SND1: variants seen among roughly 807,000 people sequenced by gnomAD.
SND1 encodes staphylococcal nuclease and tudor domain containing 1, also known as staphylococcal nuclease domain-containing protein 1.
A neutral mutation model predicts 121.7 loss-of-function variants in SND1; 38 were observed. The ratio of observed to expected loss-of-function variants is 0.31; its 90% confidence interval spans 0.24 to 0.41. SND1 has a LOEUF of 0.41. Among genes scored for constraint, SND1 ranks in the 10% least tolerant of loss-of-function variants. SND1 has a pLI of 1.00. For synonymous variants in SND1, 401 were observed against 447.4 expected (o/e 0.90, Z 1.31); for missense variants, 868 against 1,184.6 (o/e 0.73, Z 3.92).
chr7:127,957,854 C>A (rs1349375230), intron 15 of SND1, among the ~76,000 whole-genome samples: 3 of 152,166 alleles, frequency 2.0e-5, no homozygotes, highest in Non-Finnish European at 4.4e-5. Context: ...GCGCGAGCCA[C>A]CACACCCAGC....
At position 127,807,506 on chromosome 7, in the gene SND1, C is replaced by T. The variant is rs1282083711; in HGVS notation, c.1175C>T (p.Pro392Leu). 1 of 1,613,678 alleles carries T rather than the reference C, an allele frequency of 6.2e-7. No individual in the cohort carries two copies. Among genetic ancestry groups the T allele is most frequent in the African/African-American group, 1.3e-5 (1 of 74,886 alleles). ...NTQDKNKKLR[P>L]LYDIPYMFEA... is the part of the protein sequence containing the mutation. ...TAGGATAAGAACAAGAAACTGCGTC[C>T]CCTGTATGACATTCCTTACATGTTT... is the stretch of plus-strand genomic sequence containing the variant. The change falls in exon 11 of 24, where the codon CCC becomes CTC. Residue 392 changes from proline (P) to leucine (L), a missense_variant. Pro to Leu is a moderately conservative substitution (Grantham distance 98, BLOSUM62 -3). Coordinates refer to ENST00000354725, the MANE Select transcript of SND1 (RefSeq NM_014390.4).
chr7:127,945,741 G>C (rs550887269), intron 15 of SND1, among the ~76,000 whole-genome samples: 1 of 152,104 alleles, frequency 6.6e-6, no homozygotes, highest in African/African-American at 2.4e-5. Flanking sequence ...TTCATTCCAC[G>C]TCTGAGTTTC....
chr7:127,726,914 ATC>A (rs1322799073), intron 10 of SND1, among the ~76,000 whole-genome samples: 2 of 151,938 alleles, frequency 1.3e-5, no homozygotes, highest in African/African-American at 2.4e-5. Flanking sequence ...CTGTCTTTGT[ATC>A]TGTTTCTCTG....
intron 16 of SND1, chr7:128,028,171 T>C (rs1803533223): frequency 6.5e-6 from 1 of 153,068 alleles, no homozygotes; most frequent in South Asian, 2.1e-4. Flanking sequence ...CAGTACAAAT[T>C]CATGGTGCTT....
At chr7:128,009,403 G>A (rs1262242267) in intron 16 of SND1, among the ~76,000 whole-genome samples, 3 of 152,140 alleles carry the variant, frequency 2.0e-5, no homozygotes, top group Non-Finnish European at 2.9e-5. Flanking sequence ...ATCCTCAAAG[G>A]GGTTTCGGAA....
intron 14 of SND1, among the ~76,000 whole-genome samples, chr7:127,924,986 G>A (rs1268743420): frequency 6.6e-6 from 1 of 152,118 alleles, no homozygotes; most frequent in Admixed American, 6.6e-5. Context: ...CCATTCTGGA[G>A]GGTCATTCAG....
Position 128,092,115 on chromosome 7 carries a change from G to C in SND1, c.*57G>C. The stretch of plus-strand genomic sequence containing the variant: ...TCACGCCAGTCCCTCTTCCTCTGCC[G>C]GGAGGGTGTTTTCAACTCCAAACCC... On this transcript the variant is annotated 3_prime_UTR_variant, in exon 24 of 24. Coordinates refer to ENST00000354725, the MANE Select transcript of SND1 (RefSeq NM_014390.4). This position sits in a 1 kb window ranked among gnomAD's most constrained non-coding sequence, Gnocchi z 4.9. 6.4e-7 allele frequency: 1 copy of C among 1,566,692 alleles called. No individual in the cohort carries two copies. Among genetic ancestry groups the C allele is most frequent in the Non-Finnish European group, 8.8e-7 (1 of 1,138,346 alleles).
At chr7:127,674,085 C>A (rs539311898) in intron 1 of SND1, among the ~76,000 whole-genome samples, 1 of 151,372 alleles carries the variant, frequency 6.6e-6, no homozygotes, top group South Asian at 2.1e-4. Context: ...TGTCTTCCTG[C>A]CTTCCTCTCT....
intron 16 of SND1, among the ~76,000 whole-genome samples, chr7:128,042,714 C>A (rs892686101): frequency 1.3e-5 from 2 of 152,192 alleles, no homozygotes; most frequent in African/African-American, 2.4e-5. Flanking sequence ...GAATTCTGCT[C>A]CTGAACATCT....
intron 10 of SND1, among the ~76,000 whole-genome samples, chr7:127,796,919 GTCTC>G: frequency 9.0e-6 from 1 of 111,700 alleles, no homozygotes; most frequent in East Asian, 3.2e-4. Context: ...TTGCTATTGA[GTCTC>G]TCTCTGTCAC....
intron 10 of SND1, among the ~76,000 whole-genome samples, chr7:127,744,649 C>T (rs1262357743): frequency 6.6e-6 from 1 of 152,200 alleles, no homozygotes; most frequent in Admixed American, 6.5e-5. Context: ...CATATTTTCC[C>T]TTTTTTGTGT....
At chr7:128,042,472 G>C (rs1032538089) in intron 16 of SND1, 2 of 152,304 alleles carry the variant, frequency 1.3e-5, no homozygotes, top group African/African-American at 2.4e-5. Flanking sequence ...ACAGTAAGTG[G>C]AAAAGGGGGG....
intron 9 of SND1, among the ~76,000 whole-genome samples, chr7:127,714,102 A>T (rs927589501): frequency 2.0e-5 from 3 of 152,012 alleles, no homozygotes; most frequent in African/African-American, 7.2e-5. Flanking sequence ...GGAGGGATGG[A>T]GTGGAATCAT....
intron 12 of SND1, among the ~76,000 whole-genome samples, chr7:127,856,227 G>A (rs1584620945): frequency 6.6e-6 from 1 of 152,158 alleles, no homozygotes; most frequent in African/African-American, 2.4e-5. Context: ...AATAAAAACA[G>A]TATATTGGAT....
intron 10 of SND1, among the ~76,000 whole-genome samples, chr7:127,726,371 C>T (rs907357379): frequency 4.6e-5 from 7 of 152,198 alleles, no homozygotes; most frequent in Non-Finnish European, 1.0e-4. Context: ...AGTGTCAACC[C>T]GTAGGAGACG....
intron 10 of SND1, among the ~76,000 whole-genome samples, chr7:127,768,569 A>G (rs1797459632): frequency 6.6e-6 from 1 of 152,198 alleles, no homozygotes. Flanking sequence ...TTTAGAGACG[A>G]TGAGTCTTTG....
chr7:127,837,888 G>A (rs904093418), intron 11 of SND1, among the ~76,000 whole-genome samples: 3 of 152,140 alleles, frequency 2.0e-5, no homozygotes, highest in Non-Finnish European at 4.4e-5. Flanking sequence ...AATTTTCTCA[G>A]CAAGGCAATT....
intron 11 of SND1, among the ~76,000 whole-genome samples, chr7:127,843,353 T>C (rs1798998729): frequency 6.6e-6 from 1 of 152,218 alleles, no homozygotes; most frequent in Non-Finnish European, 1.5e-5. Context: ...CAGAATAGTT[T>C]CATTACGCTA....
intron 1 of SND1, among the ~76,000 whole-genome samples, chr7:127,662,095 G>A (rs571538665): frequency 1.1e-4 from 16 of 152,040 alleles, no homozygotes; most frequent in South Asian, 1.0e-3. Flanking sequence ...CAGCCTGGGC[G>A]GCAGAGGAAG....
Sources: gnomAD v4.1 joint callset for allele counts (sites outside exome capture counted in the v4.1 genomes callset) on GRCh38, gnomAD v4.1.1 for gene constraint, Gnocchi (gnomAD v3.1) non-coding constraint, MANE v1.5 for transcripts, NCBI Gene and HGNC (gene_info 2026-07-23, HGNC 2026-07-21) for gene names.